Variants in NBEA observed in about 807,000 individuals in gnomAD.
NBEA encodes lysosomal-trafficking regulator 2.
A neutral mutation model predicts 343.4 loss-of-function variants in NBEA; 44 were observed. The observed-to-expected ratio is 0.13, with a 90% CI of 0.10 to 0.16. The LOEUF (loss-of-function observed/expected upper bound fraction) is 0.16. Ranked by LOEUF, NBEA falls within the 10% of genes least tolerant of loss-of-function variation. The probability of loss-of-function intolerance (pLI) is 1.00; values close to 1 mark genes in which losing one functional copy is unlikely to be tolerated. For synonymous variants in NBEA, 1,175 were observed against 1,238.7 expected (o/e 0.95, Z 1.08); for missense variants, 2,555 against 3,631.3 (o/e 0.70, Z 7.62).
intron 11 of NBEA, among the ~76,000 whole-genome samples, chr13:35,109,044 A>G (rs1334909578): frequency 3.9e-5 from 6 of 152,154 alleles, no homozygotes; most frequent in African/African-American, 1.4e-4. Flanking sequence ...TAGTAGAATT[A>G]TTTAACTTGA....
intron 48 of NBEA, among the ~76,000 whole-genome samples, chr13:35,615,144 CA>C (rs1298199646): frequency 2.2e-4 from 28 of 128,930 alleles, no homozygotes; most frequent in African/African-American, 5.9e-4. Flanking sequence ...AAAAAAAAAA[CA>C]AAAAAAAATT....
At chr13:35,441,573 T>G (rs1233775115) in intron 39 of NBEA, among the ~76,000 whole-genome samples, 1 of 152,096 alleles carries the variant, frequency 6.6e-6, no homozygotes, top group Non-Finnish European at 1.5e-5. Context: ...TTCCTTCCCC[T>G]ACCTTCATGA....
chr13:35,558,181 A>G (rs1014308337), intron 44 of NBEA, among the ~76,000 whole-genome samples: 1 of 152,218 alleles, frequency 6.6e-6, no homozygotes, highest in East Asian at 1.9e-4. Flanking sequence ...AGAAGCAAGT[A>G]AAGTATGGTT....
chr13:35,170,202 C>A (rs1002585366), intron 25 of NBEA, among the ~76,000 whole-genome samples: 3 of 151,474 alleles, frequency 2.0e-5, no homozygotes, highest in African/African-American at 7.3e-5. Flanking sequence ...CTGCTTCTTC[C>A]AAGCAGGAAG....
chr13:35,122,322 A>T (rs543392250), intron 16 of NBEA, among the ~76,000 whole-genome samples: 1 of 152,262 alleles, frequency 6.6e-6, no homozygotes, highest in South Asian at 2.1e-4. Context: ...AACCAAACCA[A>T]ATGTCCAACA....
intron 8 of NBEA, among the ~76,000 whole-genome samples, chr13:35,066,276 G>T (rs566616867): frequency 6.6e-6 from 1 of 152,124 alleles, no homozygotes; most frequent in Non-Finnish European, 1.5e-5. Context: ...TACTTTAGAA[G>T]AATGTGTATT....
chr13:35,006,809 G>A (rs540108714), intron 1 of NBEA, among the ~76,000 whole-genome samples: 3 of 152,280 alleles, frequency 2.0e-5, no homozygotes, highest in Admixed American at 2.0e-4. Context: ...CTGGAGTGCA[G>A]TGGCACGATC....
At chr13:35,050,561 T>C (rs2152563550) in intron 6 of NBEA, among the ~76,000 whole-genome samples, 166 bp downstream of exon 6, 1 of 152,064 alleles carries the variant, frequency 6.6e-6, no homozygotes, top group Admixed American at 6.6e-5. Flanking sequence ...AATTTTTGTC[T>C]TCTGTAAGAT....
At chr13:34,967,040 A>G (rs1262707017) in intron 1 of NBEA, among the ~76,000 whole-genome samples, 2 of 148,778 alleles carry the variant, frequency 1.3e-5, no homozygotes, top group South Asian at 2.1e-4. Flanking sequence ...CTATCTCCTC[A>G]TTGGCTGGCA....
chr13:35,441,889 C>G (rs753563875), intron 39 of NBEA, among the ~76,000 whole-genome samples: 13 of 151,216 alleles, frequency 8.6e-5, no homozygotes, highest in Non-Finnish European at 1.8e-4. Context: ...AAGAAAGTCT[C>G]CCCACCCTGT....
intron 41 of NBEA, among the ~76,000 whole-genome samples, chr13:35,491,293 A>G (rs1030475190): frequency 6.6e-6 from 1 of 151,900 alleles, no homozygotes; most frequent in Non-Finnish European, 1.5e-5. Context: ...GATTTTTCAA[A>G]CAATACTCGC....
intron 18 of NBEA, among the ~76,000 whole-genome samples, chr13:35,153,993 C>T (rs753513282): frequency 1.4e-4 from 22 of 152,026 alleles, no homozygotes; most frequent in Non-Finnish European, 2.6e-4. Context: ...GTGTCAACTC[C>T]GTTTGATTAG....
At chr13:35,545,947 T>G (rs373619825) in intron 41 of NBEA, among the ~76,000 whole-genome samples, 2 of 152,216 alleles carry the variant, frequency 1.3e-5, no homozygotes, top group East Asian at 3.9e-4. Flanking sequence ...GGAGAGAGCT[T>G]CTTCTGGTTT....
At chr13:35,472,736 C>A (rs1443141188) in intron 41 of NBEA, among the ~76,000 whole-genome samples, 200 bp downstream of exon 41, 2 of 152,202 alleles carry the variant, frequency 1.3e-5, no homozygotes, top group African/African-American at 4.8e-5. Context: ...ATTACCAGAG[C>A]ATGCACATTT....
At chr13:35,059,630 ACTC>A (rs2063392250) in intron 8 of NBEA, among the ~76,000 whole-genome samples, 1 of 151,666 alleles carries the variant, frequency 6.6e-6, no homozygotes, top group Admixed American at 6.6e-5. Flanking sequence ...TTTTTATTGA[ACTC>A]AATTTAAATA....
rs761535796 is a variant in NBEA, at chr13:35,159,846, A to T, written c.3675A>T (p.Leu1225Phe). 6.2e-7 allele frequency: 1 copy of T among 1,607,922 alleles called. No homozygotes were observed. Among genetic ancestry groups the T allele is most frequent in the East Asian group, 2.2e-5 (1 of 44,652 alleles). The stretch of plus-strand genomic sequence containing the variant: ...TGAGCAGTATTTCTGAAAGAGACTT[A>T]GCGTCATCAACTAAGGGGCTGGAGT... ...DGMSSISERD[L>F]ASSTKGLEYA... Residue 1225 changes from leucine (L) to phenylalanine (F), a missense_variant, in exon 22 of 59, where the codon TTA becomes TTT. Physicochemically the swap from Leu to Phe is conservative, Grantham distance 22. Coordinates refer to ENST00000379939, the MANE Select transcript of NBEA (RefSeq NM_001385012.1).
intron 41 of NBEA, among the ~76,000 whole-genome samples, chr13:35,484,223 C>T (rs1427638830): frequency 2.2e-5 from 3 of 139,038 alleles, no homozygotes; most frequent in African/African-American, 5.4e-5. Context: ...TAAATATTTA[C>T]CTACATTAAT....
intron 11 of NBEA, among the ~76,000 whole-genome samples, chr13:35,102,192 T>C (rs1361486506): frequency 6.6e-6 from 1 of 151,840 alleles, no homozygotes; most frequent in African/African-American, 2.4e-5. Flanking sequence ...GCTGGCCCAG[T>C]ACCATTTTTT....
At chr13:35,167,287 G>A (rs1692596629) in intron 24 of NBEA, among the ~76,000 whole-genome samples, 1 of 151,724 alleles carries the variant, frequency 6.6e-6, no homozygotes, top group Admixed American at 6.6e-5. Flanking sequence ...ACATAGAAGT[G>A]GTCTCTTTTC....
Sources: allele counts gnomAD v4.1 joint callset (sites outside exome capture counted in the v4.1 genomes callset), GRCh38; gene constraint gnomAD v4.1.1; transcripts MANE v1.5; gene names NCBI Gene and HGNC (gene_info 2026-07-23, HGNC 2026-07-21).